NFKBID: variants seen among roughly 807,000 people sequenced by gnomAD.
The protein encoded by NFKBID is NF-kappa-B inhibitor delta.
Under a neutral mutation model 53.4 loss-of-function variants are expected in NFKBID, and 26 were observed. The ratio of observed to expected loss-of-function variants is 0.49; its 90% CI spans 0.36 to 0.68. The LOEUF (loss-of-function observed/expected upper bound fraction) is 0.68. NFKBID is among the 30% of genes least tolerant of loss of function. The pLI is 0.00. For synonymous variants in NFKBID, 262 were observed against 259.8 expected, an observed-to-expected ratio of 1.01 and a Z score of -0.08; for missense variants, 493 against 614.1, an observed-to-expected ratio of 0.80 and a Z score of 2.08.
chr19:35,896,997 G>A lies in NFKBID; in HGVS notation c.494C>T (p.Pro165Leu). The change falls in exon 5 of 12, where the codon CCT becomes CTT. Residue 165 changes from proline (P) to leucine (L), a missense_variant. Physicochemically the swap from Pro to Leu is moderately conservative, Grantham distance 98. This residue lies in a region of NFKBID where 226 missense variants were observed against 229.5 expected (regional missense o/e 0.98). Coordinates refer to ENST00000641389, the Ensembl canonical transcript of NFKBID. The surrounding 1 kb of genome is among the most constrained non-coding windows in gnomAD (Gnocchi z 5.7). ...TCGGGCCACCTCCAGCGATGGTCCA[G>A]GGACCACAGCGGGGAACTGTGGGGG... is the stretch of plus-strand genomic sequence containing the variant. 1.2e-6 allele frequency: 2 copies of A among 1,609,106 alleles called. No homozygotes were observed. The highest frequency in any genetic ancestry group is 1.7e-6 in the Non-Finnish European group (2 of 1,178,572).
chr19:35,889,385 A>G (rs1049779262), intron 11 of NFKBID, among the ~76,000 whole-genome samples: 7 of 152,018 alleles, frequency 4.6e-5, no homozygotes, highest in Non-Finnish European at 8.8e-5. Flanking sequence ...ACAAACAAAT[A>G]AAAATAAAGA....
upstream of NFKBID, chr19:35,902,191 A>G (rs143419049): frequency 5.1e-5 from 36 of 702,626 alleles, 1 homozygote; most frequent in Middle Eastern, 4.6e-4. Context: ...CCACTTCCCT[A>G]CCTTTCATCT....
In NFKBID at chr19:35,896,611, C is replaced by T; in HGVS notation, c.685-73G>A. 2.2e-6 allele frequency: 3 copies of T among 1,380,536 alleles called. No individual in the cohort carries two copies. The highest frequency in any genetic ancestry group is 3.1e-6 in the Non-Finnish European group (3 of 976,994). The allele number at this position is 1,380,536 out of a possible 1,614,324, so 85.5% of individuals were successfully genotyped here. A position where few individuals can be genotyped will look rare whatever the true frequency, so the allele number is the denominator to read the frequency against. On this transcript the variant is annotated intron_variant, in intron 6 of 11. Transcript: ENST00000641389. The surrounding 1 kb of genome is among the most constrained non-coding windows in gnomAD (Gnocchi z 5.7). The stretch of plus-strand genomic sequence containing the variant: ...CAGAAAACCAGGCTCCCAGCCCCAT[C>T]CCCCCTCAGCCCCAGGAGCTCACCC...
intron 1 of NFKBID, 53 bp downstream of exon 1, chr19:35,900,389 C>T (rs1975494771): frequency 8.3e-7 from 1 of 1,202,446 alleles, no homozygotes; most frequent in Non-Finnish European, 1.0e-6. Flanking sequence ...TCTTTCGATC[C>T]TCAGTCCCTC....
intron 11 of NFKBID, 58 bp from the exon 12 acceptor site, chr19:35,888,670 A>C: frequency 7.5e-7 from 1 of 1,337,982 alleles, no homozygotes; most frequent in South Asian, 1.3e-5. Flanking sequence ...GAGGTGGGGA[A>C]GGCACGCCAT....
At chr19:35,897,885 G>T (rs575467469) in intron 3 of NFKBID, 29 bp from the exon 4 acceptor site, 5 of 1,484,008 alleles carry the variant, frequency 3.4e-6, no homozygotes, top group African/African-American at 1.4e-5. Context: ...GCAGGGGCAG[G>T]TCTGGTTACC....
At chr19:35,899,847 C>G (rs1599629814) in intron 1 of NFKBID, 1 of 152,400 alleles carries the variant, frequency 6.6e-6, no homozygotes, top group South Asian at 2.1e-4. Context: ...CCATCCTCCC[C>G]TTCCCCCCAA....
chr19:35,897,187 C>G (rs1340542721), intron 4 of NFKBID, 129 bp from the exon 5 acceptor site: 1 of 960,094 alleles, frequency 1.0e-6, no homozygotes, highest in Non-Finnish European at 1.5e-6. Context: ...GCATGCAGAG[C>G]CCCTGGGTAT....
chr19:35,888,105 C>T (rs556932275), downstream of NFKBID: 1 of 158,796 alleles, frequency 6.3e-6, no homozygotes, highest in African/African-American at 2.4e-5. Context: ...AGGGTCCCTC[C>T]TGTCTCAGGG....
intron 9 of NFKBID, 144 bp from the exon 10 acceptor site, chr19:35,890,634 A>G (rs1428458911): frequency 2.7e-6 from 2 of 733,922 alleles, no homozygotes; most frequent in East Asian, 2.6e-5. Context: ...GAAGCTGAAG[A>G]AGGAGGATCA....
At chr19:35,900,452 C>A (rs1341268928) in exon 1 of NFKBID, 5 of 1,231,844 alleles carry the variant, frequency 4.1e-6, no homozygotes, top group South Asian at 4.1e-5. Flanking sequence ...CTCGGGGATT[C>A]CGTGGCGTGG....
At chr19:35,895,937 C>T in intron 9 of NFKBID, 43 bp downstream of exon 9, 1 of 1,582,686 alleles carries the variant, frequency 6.3e-7, no homozygotes, top group South Asian at 1.1e-5. Context: ...TGGCCCCATT[C>T]CACACAATCT....
chr19:35,888,855 A>G (rs533722534), intron 11 of NFKBID, among the ~76,000 whole-genome samples: 1 of 152,270 alleles, frequency 6.6e-6, no homozygotes, highest in East Asian at 1.9e-4. Context: ...AGACCAGCCC[A>G]GCCAACATGG....
At position 35,896,286 on chromosome 19, in the gene NFKBID, G is replaced by C. The variant is rs1489723653; in HGVS notation, c.832-17C>G. The C allele has an allele frequency of 2.5e-6, 4 of 1,614,164 alleles. No homozygotes were observed. Among genetic ancestry groups the C allele is most frequent in the Non-Finnish European group, 3.4e-6 (4 of 1,180,004 alleles). ...AAGCACAGCCTGGGAGGAAGAGAAG[G>C]CAGACTGCTGGGTAAGGGTATCCCC... On this transcript the variant is annotated splice_polypyrimidine_tract_variant and intron_variant, in intron 7 of 11. Transcript: ENST00000641389. The surrounding 1 kb of genome is among the most constrained non-coding windows in gnomAD (Gnocchi z 5.7).
intron 11 of NFKBID, among the ~76,000 whole-genome samples, chr19:35,888,814 G>A (rs557391795): frequency 6.6e-6 from 1 of 152,314 alleles, no homozygotes; most frequent in African/African-American, 2.4e-5. Context: ...GTGGGGCTAA[G>A]GTGGGCAAAT....
At chr19:35,900,827 CTTTTTTTTTTTTTTT>C (rs60365058), upstream of NFKBID, among the ~76,000 whole-genome samples, 6 of 107,606 alleles carry the variant, frequency 5.6e-5, no homozygotes, top group African/African-American at 2.2e-4. Flanking sequence ...TTTTTCTTTT[CTTTTTTTTTTTTTTT>C]TTTTTTTGTT....
rs190379899 is a variant in NFKBID at position 35,892,053 on chromosome 19, T to C, written c.1033-1563A>G. Among the ~76,000 whole-genome samples, 82 of 151,150 alleles carry C rather than the reference T, an allele frequency of 5.4e-4. No homozygotes were observed. In the East Asian group the frequency reaches 0.014, roughly 25 times the overall value. ...AAAGAGTTCTTATCTTTTATTATTG[T>C]TGTTGTTGTTGTTGAGAGACAGGGT... On this transcript the variant is annotated intron_variant, in intron 9 of 11. Coordinates refer to ENST00000641389, the Ensembl canonical transcript of NFKBID.
At chr19:35,901,081 C>A (rs1975547951), upstream of NFKBID, among the ~76,000 whole-genome samples, 1 of 152,022 alleles carries the variant, frequency 6.6e-6, no homozygotes. Context: ...GACCCGCCTG[C>A]CTTGGCCTCC....
intron 11 of NFKBID, 102 bp downstream of exon 11, chr19:35,889,788 T>C: frequency 8.0e-7 from 1 of 1,244,168 alleles, no homozygotes; most frequent in Non-Finnish European, 1.1e-6. Context: ...CTTCCGAGAT[T>C]AGAAGTCATT....
Sources: allele counts gnomAD v4.1 joint callset (sites outside exome capture counted in the v4.1 genomes callset), GRCh38; gene constraint gnomAD v4.1.1; regional missense constraint gnomAD v4.1.1; non-coding constraint Gnocchi (gnomAD v3.1); transcripts MANE v1.5; gene names NCBI Gene and HGNC (gene_info 2026-07-23, HGNC 2026-07-21).